Variants in C16orf96 observed in about 807,000 individuals in gnomAD.
The protein encoded by C16orf96 is chromosome 16 open reading frame 96.
In C16orf96, 108 loss-of-function variants were observed where a neutral mutation model predicts 103.6. The ratio of observed to expected loss-of-function variants is 1.04; its 90% CI spans 0.89 to 1.22. The LOEUF is 1.22. Among genes scored for constraint, C16orf96 ranks in the 50% most tolerant of loss-of-function variants. C16orf96 has a pLI of 0.00. For missense variants in C16orf96, 1,586 were observed against 1,464.2 expected, an observed-to-expected ratio of 1.08 and a Z score of -1.36; for synonymous variants, 566 against 593.5, an observed-to-expected ratio of 0.95 and a Z score of 0.67.
At position 4,587,434 on chromosome 16, in the gene C16orf96, A is replaced by G. The variant is rs375641950; in HGVS notation, c.2427+321A>G. Among the ~76,000 whole-genome samples, 9 of 151,846 alleles carry G rather than the reference A, an allele frequency of 5.9e-5. No individual in the cohort carries two copies. In the South Asian group the frequency reaches 1.7e-3, roughly 28 times the overall value. Reference sequence around the variant, plus strand: ...TCTCAGCTATTTGAGAGGCTGAGGCAGGAGAATCACTTGAACCTGGGAGGC... The same window carrying G: ...TCTCAGCTATTTGAGAGGCTGAGGCGGGAGAATCACTTGAACCTGGGAGGC... On this transcript the variant is annotated intron_variant, in intron 8 of 15. Transcript: ENST00000444310.
chr16:4,594,252 T>C lies in C16orf96; in HGVS notation c.2868-99T>C. The C allele has an allele frequency of 3.7e-6, 5 of 1,363,062 alleles. No homozygotes were observed. In the South Asian group the frequency reaches 7.2e-5, roughly 20 times the overall value. The allele number at this position is 1,363,062 out of a possible 1,614,324, so 84.4% of individuals were successfully genotyped here. ...CCAGCTAAACACAAGCTGAAAGAAA[T>C]GCTGGTCTTCCCTCGATGCTGGCCA... On this transcript the variant is annotated intron_variant, in intron 12 of 15. Coordinates refer to ENST00000444310, the MANE Select transcript of C16orf96 (RefSeq NM_001145011.2).
At chr16:4,544,467 G>T in the C16orf96 span, among the ~76,000 whole-genome samples, 3 of 152,104 alleles carry the variant, frequency 2.0e-5, no homozygotes, top group African/African-American at 4.8e-5. Flanking sequence ...TATTAGCTGG[G>T]TGTGGTGCAC....
rs968547813 is a variant in C16orf96, at chr16:4,576,203, G to A, written c.1723G>A (p.Ala575Thr). The change falls in exon 5 of 16, where the codon GCC becomes ACC. Residue 575 changes from alanine to threonine, a missense_variant. By Grantham distance (58) the Ala-to-Thr change is moderately conservative. Coordinates refer to ENST00000444310, the MANE Select transcript of C16orf96 (RefSeq NM_001145011.2). The stretch of plus-strand genomic sequence containing the variant: ...CACCGCTGCCATCGCCGCCGCTGCC[G>A]CCGCAGCCTACGCCGCTGCCACATC... ...KTTAAIAAAA[A>T]AAYAAATSSA... The A allele has an allele frequency of 1.4e-5, 22 of 1,550,452 alleles. No homozygotes were observed. The highest frequency in any genetic ancestry group is 3.6e-5 in the South Asian group (3 of 84,060).
the C16orf96 span, among the ~76,000 whole-genome samples, chr16:4,545,870 G>A: frequency 6.6e-6 from 1 of 151,876 alleles, no homozygotes; most frequent in Non-Finnish European, 1.5e-5. Flanking sequence ...ATTTTTTTGA[G>A]ACAGAATCTC....
chr16:4,548,788 G>C, the C16orf96 span, among the ~76,000 whole-genome samples: 3 of 150,898 alleles, frequency 2.0e-5, no homozygotes, highest in South Asian at 6.3e-4. Flanking sequence ...CAGGAGAATC[G>C]CTTGAACCCG....
the C16orf96 span, among the ~76,000 whole-genome samples, chr16:4,539,173 GAA>G: frequency 6.6e-6 from 1 of 152,210 alleles, no homozygotes; most frequent in Non-Finnish European, 1.5e-5. Flanking sequence ...TTATGACAGT[GAA>G]AGAGAGCTGA....
intron 1 of C16orf96, among the ~76,000 whole-genome samples, chr16:4,565,170 TGAGAGAG>T (rs904953563): frequency 6.6e-6 from 1 of 151,110 alleles, no homozygotes; most frequent in African/African-American, 2.4e-5. Context: ...AAAGCCCTCT[TGAGAGAG>T]AGAGAGAGCA....
At chr16:4,549,262 C>T in the C16orf96 span, among the ~76,000 whole-genome samples, 1 of 151,986 alleles carries the variant, frequency 6.6e-6, no homozygotes, top group Non-Finnish European at 1.5e-5. Context: ...ATCACAAGGT[C>T]AGGAGATCAA....
Position 4,573,857 on chromosome 16 carries a change from G to A in C16orf96, c.526-852G>A, listed in dbSNP as rs137901157. Among the ~76,000 whole-genome samples, 146 of 151,946 alleles carry A rather than the reference G, an allele frequency of 9.6e-4. 2 individuals are homozygous for A. The highest frequency in any genetic ancestry group is 3.0e-3 in the African/African-American group (123 of 41,458). ...TTTTGTTTTGTATTCTTTTTGAGAC[G>A]GAGTCTCTCTCTGTCACCCAGGCTG... On this transcript the variant is annotated intron_variant, in intron 2 of 15. Transcript: ENST00000444310.
chr16:4,541,036 C>G, the C16orf96 span, among the ~76,000 whole-genome samples: 1 of 151,970 alleles, frequency 6.6e-6, no homozygotes, highest in African/African-American at 2.4e-5. Context: ...GCCTCAGCCT[C>G]CTGAGGAGCT....
chr16:4,585,549 G>T (rs1332676913), intron 7 of C16orf96, among the ~76,000 whole-genome samples: 1 of 152,212 alleles, frequency 6.6e-6, no homozygotes, highest in Non-Finnish European at 1.5e-5. Flanking sequence ...GGCTGGGAGG[G>T]GGCCTGGAGT....
intron 1 of C16orf96, 21 bp downstream of exon 1, chr16:4,556,930 C>A: frequency 6.6e-7 from 1 of 1,518,500 alleles, no homozygotes; most frequent in Admixed American, 2.2e-5. Flanking sequence ...AGCCTCCAGA[C>A]ACTTCTTTTC....
At position 4,600,397 on chromosome 16, in the gene C16orf96, C is replaced by A; in HGVS notation, c.*80C>A. On this transcript the variant is annotated 3_prime_UTR_variant, in exon 16 of 16. Coordinates refer to ENST00000444310, the MANE Select transcript of C16orf96 (RefSeq NM_001145011.2). ...GCCCATGTGGCCCTCCCACTCCCACCAAGTCCCCTCCACATCGGAGGCTGA... is the reference window on the plus strand; with the variant it reads ...GCCCATGTGGCCCTCCCACTCCCACAAAGTCCCCTCCACATCGGAGGCTGA... 2 of 1,024,728 alleles carry A rather than the reference C, an allele frequency of 2.0e-6. No individual in the cohort carries two copies. Among genetic ancestry groups the A allele is most frequent in the Non-Finnish European group, 2.9e-6 (2 of 691,244 alleles). The allele number at this position is 1,024,728 out of a possible 1,614,324, so 63.5% of individuals were successfully genotyped here.
At chr16:4,583,412 AG>A (rs1488386211) in intron 7 of C16orf96, among the ~76,000 whole-genome samples, 1 of 152,166 alleles carries the variant, frequency 6.6e-6, no homozygotes, top group Non-Finnish European at 1.5e-5. Flanking sequence ...AGGCTGAGGC[AG>A]GAGAATCACT....
At position 4,578,864 on chromosome 16, in the gene C16orf96, GA is replaced by G; in HGVS notation, c.2156-75del. On this transcript the variant is annotated intron_variant, in intron 5 of 15. Coordinates refer to ENST00000444310, the MANE Select transcript of C16orf96 (RefSeq NM_001145011.2). ...CAGTGCTGCCTGAGATGCTCCATAA[GA>G]GAAGCAGCTAGAGCCCAACAGAAAC... The G allele has an allele frequency of 2.7e-6, 3 of 1,131,662 alleles. No homozygotes were observed. The Admixed American group carries it at 6.1e-5, about 23-fold the overall frequency. 70.1% of individuals were successfully genotyped at this position (1,131,662 alleles called of 1,614,324 possible). A position where few individuals can be genotyped will look rare whatever the true frequency, so the allele number is the denominator to read the frequency against.
the C16orf96 span, among the ~76,000 whole-genome samples, chr16:4,550,926 G>A: frequency 6.6e-6 from 1 of 152,230 alleles, no homozygotes; most frequent in East Asian, 1.9e-4. Context: ...AATCCACGTT[G>A]TTGGCCTCTT....
Position 4,575,166 on chromosome 16 carries a change from T to C in C16orf96, c.694-8T>C. The C allele has an allele frequency of 6.5e-7, 1 of 1,545,572 alleles. No homozygotes were observed. ...GCCAGCAGAGCCCCTCTGCCCCCTCTTCTGCAGGAAATTGGTTCATCACCA... is the reference window on the plus strand; with the variant it reads ...GCCAGCAGAGCCCCTCTGCCCCCTCCTCTGCAGGAAATTGGTTCATCACCA... On this transcript the variant is annotated splice_region_variant and splice_polypyrimidine_tract_variant and intron_variant, in intron 4 of 15. Coordinates refer to ENST00000444310, the MANE Select transcript of C16orf96 (RefSeq NM_001145011.2).
intron 11 of C16orf96, 75 bp downstream of exon 11, chr16:4,592,442 A>G (rs1035820800): frequency 1.3e-6 from 2 of 1,496,610 alleles, no homozygotes; most frequent in Middle Eastern, 1.7e-4. Flanking sequence ...GTGCACCTCC[A>G]TGTGCACCGT....
intron 1 of C16orf96, among the ~76,000 whole-genome samples, chr16:4,558,552 CA>C (rs1339817088): frequency 6.6e-6 from 1 of 152,038 alleles, no homozygotes; most frequent in Non-Finnish European, 1.5e-5. Flanking sequence ...TTGGAAGCTG[CA>C]GTGAGTTGTA....
Sources: allele counts gnomAD v4.1 joint callset (sites outside exome capture counted in the v4.1 genomes callset), GRCh38; gene constraint gnomAD v4.1.1; transcripts MANE v1.5; gene names NCBI Gene and HGNC (gene_info 2026-07-23, HGNC 2026-07-21).